DNAJC3: variants seen among roughly 807,000 people sequenced by gnomAD.
The protein encoded by DNAJC3 is DnaJ heat shock protein family (Hsp40) member C3.
Under a neutral mutation model 68.6 loss-of-function variants are expected in DNAJC3, and 38 were observed. That is an observed-to-expected ratio of 0.55 (90% CI 0.43 to 0.73). The LOEUF (loss-of-function observed/expected upper bound fraction) is 0.73, where lower values mean the gene tolerates loss of function less well. DNAJC3 is among the 30% of genes least tolerant of loss of function. The pLI is 0.00. For synonymous variants in DNAJC3, 203 were observed against 204.0 expected, an observed-to-expected ratio of 1.00 and a Z score of 0.04; for missense variants, 526 against 591.9, an observed-to-expected ratio of 0.89 and a Z score of 1.16.
intron 1 of DNAJC3, among the ~76,000 whole-genome samples, chr13:95,706,048 A>T (rs1880734112): frequency 6.6e-6 from 1 of 152,220 alleles, no homozygotes; most frequent in African/African-American, 2.4e-5. Flanking sequence ...TTAATGCTTA[A>T]TTAAATTAAA....
At chr13:95,723,717 A>G (rs1881419548) in intron 3 of DNAJC3, among the ~76,000 whole-genome samples, 1 of 152,224 alleles carries the variant, frequency 6.6e-6, no homozygotes, top group African/African-American at 2.4e-5. Context: ...GACTGGCAGC[A>G]GTTGCACTTA....
In DNAJC3 at chr13:95,730,132, C is replaced by T. The variant is rs1477997310; in HGVS notation, c.393+4880C>T. On this transcript the variant is annotated intron_variant, in intron 4 of 11. Coordinates refer to ENST00000602402, the MANE Select transcript of DNAJC3 (RefSeq NM_006260.5). ...TTAGCCCCCCAAGTAACTGAGACTA[C>T]ATGTATGTATCACTAGGCCTGGCTA... 2.0e-5 allele frequency among the ~76,000 whole-genome samples: 3 copies of T among 152,202 alleles called. No homozygotes were observed. The East Asian group carries it at 5.8e-4, about 29-fold the overall frequency.
intron 4 of DNAJC3, among the ~76,000 whole-genome samples, chr13:95,753,078 C>G (rs944787615): frequency 6.6e-6 from 1 of 152,160 alleles, no homozygotes; most frequent in Non-Finnish European, 1.5e-5. Context: ...TTCCATTCGT[C>G]CATCCTCCTT....
chr13:95,787,535 A>G (rs1883638336), intron 11 of DNAJC3, among the ~76,000 whole-genome samples: 1 of 152,110 alleles, frequency 6.6e-6, no homozygotes, highest in Non-Finnish European at 1.5e-5. Flanking sequence ...TGATGAGGAA[A>G]CCAGCTTGCC....
intron 5 of DNAJC3, among the ~76,000 whole-genome samples, chr13:95,758,576 C>T (rs1234904048): frequency 6.6e-6 from 1 of 151,018 alleles, no homozygotes; most frequent in African/African-American, 2.4e-5. Context: ...TTGCAGTGAG[C>T]CACTACACTG....
Position 95,793,482 on chromosome 13 carries a change from CTTTTTTTTTTTTTTTTT to C in DNAJC3, c.*2461_*2477del, listed in dbSNP as rs1002199198. ...TTGGGGACTACAGGTGCCAGGTAAC[CTTTTTTTTTTTTTTTTT>C]TTTTTTTTGAGACAGAATCTTGCTC... On this transcript the variant is annotated 3_prime_UTR_variant, in exon 12 of 12. Transcript: ENST00000602402. 1 of 96,222 alleles carries C rather than the reference CTTTTTTTTTTTTTTTTT, an allele frequency of 1.0e-5. No individual in the cohort carries two copies. Among genetic ancestry groups the C allele is most frequent in the African/African-American group, 4.2e-5 (1 of 23,534 alleles). The allele number at this position is 96,222 out of a possible 1,614,324, so 6.0% of individuals were successfully genotyped here.
At chr13:95,755,591 T>A (rs536392871) in intron 4 of DNAJC3, among the ~76,000 whole-genome samples, 7 of 151,168 alleles carry the variant, frequency 4.6e-5, no homozygotes, top group Non-Finnish European at 1.0e-4. Context: ...ACACCATCTC[T>A]ACTAAAAATA....
At chr13:95,716,611 A>T (rs954735456) in intron 2 of DNAJC3, among the ~76,000 whole-genome samples, 7 of 152,018 alleles carry the variant, frequency 4.6e-5, no homozygotes, top group Non-Finnish European at 1.0e-4. Context: ...ATGGATAGGG[A>T]GCCGGAAGTG....
At chr13:95,711,027 A>C (rs1475712084) in intron 2 of DNAJC3, among the ~76,000 whole-genome samples, 1 of 152,188 alleles carries the variant, frequency 6.6e-6, no homozygotes, top group Admixed American at 6.5e-5. Context: ...TGCTCCCAGA[A>C]AAACTATCAT....
intron 4 of DNAJC3, among the ~76,000 whole-genome samples, chr13:95,753,448 A>G (rs749496338): frequency 6.6e-5 from 10 of 151,850 alleles, no homozygotes; most frequent in Admixed American, 1.3e-4. Context: ...TGTTGCATAT[A>G]CCTCAAGTGT....
chr13:95,715,949 G>T (rs1881129993), intron 2 of DNAJC3, among the ~76,000 whole-genome samples: 1 of 151,772 alleles, frequency 6.6e-6, no homozygotes, highest in African/African-American at 2.4e-5. Context: ...CTGAGGTCAG[G>T]AGTTCGAGAC....
At chr13:95,694,415 A>G (rs756567813) in intron 1 of DNAJC3, 10 of 152,652 alleles carry the variant, frequency 6.6e-5, no homozygotes, top group African/African-American at 9.7e-5. Context: ...CTAAACCTCC[A>G]TAAATAGGAG....
chr13:95,685,244 A>T (rs1345153757), intron 1 of DNAJC3, among the ~76,000 whole-genome samples: 3 of 152,226 alleles, frequency 2.0e-5, no homozygotes, highest in Non-Finnish European at 4.4e-5. Context: ...TTGCTGCAAT[A>T]TGCCCTGGAT....
intron 2 of DNAJC3, among the ~76,000 whole-genome samples, chr13:95,716,136 C>T (rs1044239898): frequency 1.3e-5 from 2 of 151,972 alleles, no homozygotes; most frequent in South Asian, 2.1e-4. Context: ...CCAGCCTGGG[C>T]GAGAGTGAGA....
chr13:95,745,691 C>G (rs1194740436), intron 4 of DNAJC3: 1 of 152,252 alleles, frequency 6.6e-6, no homozygotes, highest in African/African-American at 2.4e-5. Flanking sequence ...TTGGATATGC[C>G]TGTGGTCCCT....
intron 4 of DNAJC3, among the ~76,000 whole-genome samples, chr13:95,756,043 C>A (rs1303362081): frequency 1.3e-5 from 2 of 152,016 alleles, no homozygotes; most frequent in Non-Finnish European, 2.9e-5. Context: ...CACCTTCCAA[C>A]AAGAAAAATT....
chr13:95,756,199 G>C (rs960790604), intron 4 of DNAJC3, among the ~76,000 whole-genome samples: 3 of 152,200 alleles, frequency 2.0e-5, no homozygotes, highest in Non-Finnish European at 4.4e-5. Flanking sequence ...CTTTTACCCA[G>C]AGCAAAGTGA....
intron 11 of DNAJC3, among the ~76,000 whole-genome samples, chr13:95,790,628 G>C (rs530319422): frequency 6.6e-6 from 1 of 150,588 alleles, no homozygotes; most frequent in East Asian, 1.9e-4. Flanking sequence ...AGATTTAGGG[G>C]CCTGAATCTC....
At chr13:95,760,436 CTTATAT>C (rs1415028292) in intron 6 of DNAJC3, among the ~76,000 whole-genome samples, 24 of 152,112 alleles carry the variant, frequency 1.6e-4, no homozygotes, top group Admixed American at 1.6e-3. Context: ...CAGGAAGGCT[CTTATAT>C]TTATAGAAAC....
Sources: allele counts gnomAD v4.1 joint callset (sites outside exome capture counted in the v4.1 genomes callset), GRCh38; gene constraint gnomAD v4.1.1; transcripts MANE v1.5; gene names NCBI Gene and HGNC (gene_info 2026-07-23, HGNC 2026-07-21).